The following AGMO variants were observed in gnomAD, a reference collection of about 807,000 sequenced individuals.
The protein encoded by AGMO is alkylglycerol monooxygenase.
A neutral mutation model predicts 60.2 loss-of-function variants in AGMO; 75 were observed. The ratio of observed to expected loss-of-function variants is 1.25; its 90% CI spans 1.03 to 1.51. AGMO has a LOEUF of 1.51. AGMO is among the 40% of genes most tolerant of loss of function. The probability of loss-of-function intolerance (pLI) is 0.00; values close to 1 mark genes in which losing one functional copy is unlikely to be tolerated. For missense variants in AGMO, 763 were observed against 525.5 expected, an observed-to-expected ratio of 1.45 and a Z score of -4.42; for synonymous variants, 261 against 177.1, an observed-to-expected ratio of 1.47 and a Z score of -3.76.
intron 3 of AGMO, among the ~76,000 whole-genome samples, chr7:15,525,423 A>T (rs1019611785): frequency 2.0e-5 from 3 of 151,988 alleles, no homozygotes; most frequent in African/African-American, 7.3e-5. Context: ...GGTTTTTTAC[A>T]CTGCCATGCT....
chr7:15,216,833 A>AGTGTAT (rs1554396211), intron 12 of AGMO, among the ~76,000 whole-genome samples: 38 of 147,114 alleles, frequency 2.6e-4, no homozygotes, highest in Non-Finnish European at 3.6e-4. Context: ...TGAAAGAAAA[A>AGTGTAT]GTGTGTGTGT....
In AGMO at chr7:15,443,588, A is replaced by G. The variant is rs530928800; in HGVS notation, c.410-12480T>C. Among the ~76,000 whole-genome samples the G allele has an allele frequency of 3.9e-5, 6 of 152,194 alleles. No individual in the cohort carries two copies. The South Asian group carries it at 6.2e-4, about 16-fold the overall frequency. Reference sequence around the variant, plus strand: ...ATTGATGCCTTATTACCTCAACACCATTAACAGGTATTCAGTGAGCCATAT... The same window carrying G: ...ATTGATGCCTTATTACCTCAACACCGTTAACAGGTATTCAGTGAGCCATAT... On this transcript the variant is annotated intron_variant, in intron 3 of 12. Transcript: ENST00000342526.
At chr7:15,549,932 C>A (rs1291335720) in intron 2 of AGMO, among the ~76,000 whole-genome samples, 33 of 150,446 alleles carry the variant, frequency 2.2e-4, no homozygotes, top group Non-Finnish European at 4.2e-4. Context: ...CTCTCCTCAG[C>A]AAATGTAAAA....
intron 6 of AGMO, among the ~76,000 whole-genome samples, chr7:15,393,575 T>C (rs969869445): frequency 6.6e-6 from 1 of 152,230 alleles, no homozygotes; most frequent in Admixed American, 6.5e-5. Flanking sequence ...AACATTTTTG[T>C]TGTTACTTAA....
At chr7:15,361,878 C>T (rs1303503097) in intron 12 of AGMO, among the ~76,000 whole-genome samples, 2 of 152,026 alleles carry the variant, frequency 1.3e-5, no homozygotes, top group African/African-American at 4.8e-5. Context: ...AACAGAAAAC[C>T]TCCAGCTAGC....
chr7:15,135,943 G>A, the AGMO span, among the ~76,000 whole-genome samples: 27 of 100,826 alleles, frequency 2.7e-4, no homozygotes, highest in Non-Finnish European at 2.4e-4. Flanking sequence ...AAACAACTAT[G>A]TTTTTCTCAA....
chr7:15,189,531 T>C, the AGMO span, among the ~76,000 whole-genome samples: 1 of 151,920 alleles, frequency 6.6e-6, no homozygotes, highest in Non-Finnish European at 1.5e-5. Flanking sequence ...GCCAGCACAT[T>C]AATAGCTAAT....
chr7:15,401,516 G>C (rs982904841), intron 5 of AGMO, among the ~76,000 whole-genome samples: 1 of 152,098 alleles, frequency 6.6e-6, no homozygotes, highest in Non-Finnish European at 1.5e-5. Flanking sequence ...ATTGAGGTTG[G>C]AGAAGAGACT....
At chr7:15,194,364 ATAAG>A in the AGMO span, among the ~76,000 whole-genome samples, 1 of 147,564 alleles carries the variant, frequency 6.8e-6, no homozygotes, top group Non-Finnish European at 1.5e-5. Flanking sequence ...TAATGGTTAA[ATAAG>A]TAAAATTAAA....
At position 15,272,828 on chromosome 7, in the gene AGMO, C is replaced by G. The variant is rs559438389; in HGVS notation, c.1264-71469G>C. On this transcript the variant is annotated intron_variant, in intron 12 of 12. Transcript: ENST00000342526. ...CTTCTTAATTTTAATGATCGCCATT[C>G]TAACTGGTGTGAGATGGTATCTCAT... is the stretch of plus-strand genomic sequence containing the variant. 2.1e-4 allele frequency among the ~76,000 whole-genome samples: 32 copies of G among 152,312 alleles called. No homozygotes were observed. In the East Asian group the frequency reaches 5.0e-3, roughly 24 times the overall value.
chr7:15,144,489 CA>C, the AGMO span, among the ~76,000 whole-genome samples: 4 of 152,182 alleles, frequency 2.6e-5, no homozygotes, highest in African/African-American at 7.2e-5. Context: ...AAAAATAAGT[CA>C]AAAAAGGTGT....
intron 12 of AGMO, among the ~76,000 whole-genome samples, chr7:15,214,867 T>C (rs1781689704): frequency 6.6e-6 from 1 of 152,062 alleles, no homozygotes; most frequent in South Asian, 2.1e-4. Context: ...ATATTTAGTT[T>C]GCCTTCTCGG....
At chr7:15,273,993 A>G (rs899400783) in intron 12 of AGMO, among the ~76,000 whole-genome samples, 1 of 152,100 alleles carries the variant, frequency 6.6e-6, no homozygotes, top group Admixed American at 6.5e-5. Flanking sequence ...ACTTTGCTGA[A>G]GTTACTTATC....
Position 15,316,522 on chromosome 7 carries a change from G to A in AGMO, c.1263+48992C>T, listed in dbSNP as rs193128710. ...TGTGGGCTCTTTATCTTTTGATAAG[G>A]AAGTGTTACAGGCCCTAGGTTCATC... On this transcript the variant is annotated intron_variant, in intron 12 of 12. Transcript: ENST00000342526. 1.2e-3 allele frequency among the ~76,000 whole-genome samples: 187 copies of A among 152,264 alleles called. No homozygotes were observed. The Middle Eastern group carries it at 0.014, about 11-fold the overall frequency.
chr7:15,363,130 C>G (rs376215774), intron 12 of AGMO, among the ~76,000 whole-genome samples: 1 of 152,198 alleles, frequency 6.6e-6, no homozygotes, highest in East Asian at 1.9e-4. Context: ...TCTTATAAAA[C>G]CTATTTTACA....
chr7:15,387,520 T>C lies in AGMO; in HGVS notation c.843A>G (p.Ile281Met), dbSNP rs759396968. 9 of 1,611,784 alleles carry C rather than the reference T, an allele frequency of 5.6e-6. No homozygotes were observed. Among genetic ancestry groups the C allele is most frequent in the South Asian group, 4.4e-5 (4 of 90,844 alleles). Residue 281 changes from isoleucine to methionine, a missense_variant, in exon 9 of 13, where the codon ATA becomes ATG. Transcript: ENST00000342526. ...CAGGTGTGGCCCAGAATGTAGTCCATATGGAAAATAAGTGATGGAACTAGA... is the reference window on the plus strand; with the variant it reads ...CAGGTGTGGCCCAGAATGTAGTCCACATGGAAAATAAGTGATGGAACTAGA... ...IKVQFHHLFSIWTTFWATPGF... is the reference protein window; with the variant it reads ...IKVQFHHLFSMWTTFWATPGF...
At chr7:15,133,917 T>A in the AGMO span, among the ~76,000 whole-genome samples, 1 of 152,262 alleles carries the variant, frequency 6.6e-6, no homozygotes, top group East Asian at 1.9e-4. Flanking sequence ...TGGCTTCTTT[T>A]CCCAAATATA....
chr7:15,304,017 A>T (rs143493466), intron 12 of AGMO, among the ~76,000 whole-genome samples: 1 of 152,172 alleles, frequency 6.6e-6, no homozygotes, highest in Admixed American at 6.6e-5. Context: ...TAGAGGCCCA[A>T]GTCTAAAATA....
intron 10 of AGMO, among the ~76,000 whole-genome samples, chr7:15,375,215 A>G (rs1783400744): frequency 6.6e-6 from 1 of 151,978 alleles, no homozygotes; most frequent in Non-Finnish European, 1.5e-5. Context: ...AATAATCTGT[A>G]TTTGCCTCAA....
Sources: allele counts gnomAD v4.1 joint callset (sites outside exome capture counted in the v4.1 genomes callset), GRCh38; gene constraint gnomAD v4.1.1; transcripts MANE v1.5; gene names NCBI Gene and HGNC (gene_info 2026-07-23, HGNC 2026-07-21).